The following INSR variants were observed in gnomAD, a reference collection of about 807,000 sequenced individuals.
INSR encodes the protein insulin receptor.
INSR carries 67 observed loss-of-function variants against 142.6 expected under a neutral mutation model. The ratio of observed to expected loss-of-function variants is 0.47; its 90% CI spans 0.39 to 0.58. The LOEUF is 0.58. Ranked by LOEUF, INSR falls within the 20% of genes least tolerant of loss-of-function variation. The pLI is 0.00. For missense variants in INSR, 1,248 were observed against 1,833.2 expected (o/e 0.68, Z 5.83); for synonymous variants, 756 against 743.1 (o/e 1.02, Z -0.28).
intron 11 of INSR, among the ~76,000 whole-genome samples, chr19:7,149,387 A>G (rs1353506621): frequency 1.3e-5 from 2 of 152,248 alleles, no homozygotes; most frequent in Non-Finnish European, 2.9e-5. Context: ...AAGTGGTCCC[A>G]ACTTGCCTCT....
intron 2 of INSR, among the ~76,000 whole-genome samples, chr19:7,235,971 CTTTTTTTT>C (rs34478636): frequency 1.5e-5 from 2 of 129,878 alleles, no homozygotes; most frequent in East Asian, 4.4e-4. Context: ...CTGGCCTTTC[CTTTTTTTT>C]TTTTTTTTTT....
intron 2 of INSR, among the ~76,000 whole-genome samples, chr19:7,240,812 T>C (rs943014075): frequency 6.6e-6 from 1 of 152,176 alleles, no homozygotes; most frequent in South Asian, 2.1e-4. Flanking sequence ...AAATATTGTA[T>C]ACAATTACCT....
intron 2 of INSR, among the ~76,000 whole-genome samples, chr19:7,194,322 C>G (rs1377039627): frequency 2.0e-5 from 3 of 151,568 alleles, no homozygotes; most frequent in Non-Finnish European, 4.4e-5. Context: ...GAGGCTGAGG[C>G]AGGAGAATTG....
intron 2 of INSR, among the ~76,000 whole-genome samples, chr19:7,186,727 T>C (rs2162940): frequency 0.15 from 22,320 of 151,960 alleles, 2,323 homozygotes; most frequent in African/African-American, 0.29. Context: ...TTTTTTGAGA[T>C]GGAGTCTTGC....
rs1974627833 is a variant in INSR, at chr19:7,192,411, T to C, written c.653-7774A>G. On this transcript the variant is annotated intron_variant, in intron 2 of 21. Coordinates refer to ENST00000302850, the MANE Select transcript of INSR (RefSeq NM_000208.4). The surrounding 1 kb of genome is among the most constrained non-coding windows in gnomAD (Gnocchi z 4.2). ...TGAGAGAGACCGCAAAGTGAAGACATTATGAAAGCCACGTGTCATGCAAGA... is the reference window on the plus strand; with the variant it reads ...TGAGAGAGACCGCAAAGTGAAGACACTATGAAAGCCACGTGTCATGCAAGA... Among the ~76,000 whole-genome samples the C allele has an allele frequency of 6.6e-6, 1 of 151,668 alleles. No homozygotes were observed. Among genetic ancestry groups the C allele is most frequent in the Admixed American group, 6.6e-5 (1 of 15,200 alleles).
chr19:7,241,178 T>A (rs1389894056), intron 2 of INSR, among the ~76,000 whole-genome samples: 5 of 9,680 alleles, frequency 5.2e-4, no homozygotes, highest in African/African-American at 2.2e-3. Flanking sequence ...TTTTATTTTG[T>A]TTTTTTTTTT....
At chr19:7,273,487 T>C (rs1052624731) in intron 1 of INSR, among the ~76,000 whole-genome samples, 1 of 151,924 alleles carries the variant, frequency 6.6e-6, no homozygotes, top group Non-Finnish European at 1.5e-5. Flanking sequence ...AAGAGGGTGC[T>C]AAGTGACAGC....
chr19:7,114,801 A>C lies in INSR; in HGVS notation c.*2255T>G, dbSNP rs547131375. The C allele has an allele frequency of 6.7e-4, 102 of 152,624 alleles. No homozygotes were observed. The highest frequency in any genetic ancestry group is 1.2e-3 in the Non-Finnish European group (83 of 68,036). 9.5% of individuals were successfully genotyped at this position (152,624 alleles called of 1,614,324 possible). A position where few individuals can be genotyped will look rare whatever the true frequency, so the allele number is the denominator to read the frequency against. ...TATTAAAATAAATACTTTTTCCCCT[A>C]ATATAAGAAAAACCTTTCTGAATTA... On this transcript the variant is annotated 3_prime_UTR_variant, in exon 22 of 22. Coordinates refer to ENST00000302850, the MANE Select transcript of INSR (RefSeq NM_000208.4).
At chr19:7,220,196 G>C (rs1975570613) in intron 2 of INSR, among the ~76,000 whole-genome samples, 1 of 152,202 alleles carries the variant, frequency 6.6e-6, no homozygotes, top group Non-Finnish European at 1.5e-5. Flanking sequence ...CTCCAGGAAT[G>C]CTGAGTAGGC....
chr19:7,132,069 G>A (rs546068630), intron 14 of INSR, 89 bp downstream of exon 14: 2 of 1,526,686 alleles, frequency 1.3e-6, no homozygotes, highest in East Asian at 2.3e-5. Flanking sequence ...GCCAGCACCT[G>A]CGGCCTCTCC....
chr19:7,163,356 C>G (rs573267916), intron 8 of INSR, among the ~76,000 whole-genome samples, 157 bp from the exon 9 acceptor site: 3 of 151,968 alleles, frequency 2.0e-5, no homozygotes, highest in Non-Finnish European at 4.4e-5. Flanking sequence ...GTCAGGAGAT[C>G]GAGACCATCC....
chr19:7,174,570 C>T lies in INSR; in HGVS notation c.1123+13G>A. 1 of 1,613,918 alleles carries T rather than the reference C, an allele frequency of 6.2e-7. No homozygotes were observed. Among genetic ancestry groups the T allele is most frequent in the Non-Finnish European group, 8.5e-7 (1 of 1,179,902 alleles). ...CCAACAGGCACCCCCGACGCCCACACAGAGACACTCACTGCCTCCTCGAAT... is the reference window on the plus strand; with the variant it reads ...CCAACAGGCACCCCCGACGCCCACATAGAGACACTCACTGCCTCCTCGAAT... On this transcript the variant is annotated intron_variant, in intron 4 of 21. Coordinates refer to ENST00000302850, the MANE Select transcript of INSR (RefSeq NM_000208.4).
intron 2 of INSR, among the ~76,000 whole-genome samples, chr19:7,253,261 G>A (rs180787389): frequency 1.1e-4 from 16 of 151,326 alleles, no homozygotes; most frequent in East Asian, 7.8e-4. Flanking sequence ...TATTTGATAC[G>A]AGGTTTTGCT....
At chr19:7,120,791 T>C in intron 19 of INSR, 42 bp from the exon 20 acceptor site, 1 of 1,608,388 alleles carries the variant, frequency 6.2e-7, no homozygotes, top group South Asian at 1.1e-5. Context: ...CCTTCAGCCT[T>C]GGTCCTAGCA....
intron 2 of INSR, among the ~76,000 whole-genome samples, chr19:7,257,476 G>A (rs946212487): frequency 6.6e-6 from 1 of 150,714 alleles, no homozygotes; most frequent in Non-Finnish European, 1.5e-5. Context: ...GGGTGGAGTG[G>A]GGGCCTTGCC....
rs1408634301 is a variant in INSR at position 7,114,176 on chromosome 19, T to G, written c.*2880A>C. The stretch of plus-strand genomic sequence containing the variant: ...TTGCATTAGGTGTTTGTGTGTAAGG[T>G]GCATCACCAGCCTGAAAGGAGTGGG... On this transcript the variant is annotated 3_prime_UTR_variant, in exon 22 of 22. Transcript: ENST00000302850. 2.0e-5 allele frequency: 3 copies of G among 151,348 alleles called. No homozygotes were observed. Among genetic ancestry groups the G allele is most frequent in the Non-Finnish European group, 4.4e-5 (3 of 67,992 alleles). 9.4% of individuals were successfully genotyped at this position (151,348 alleles called of 1,614,324 possible). A position where few individuals can be genotyped will look rare whatever the true frequency, so the allele number is the denominator to read the frequency against.
intron 2 of INSR, among the ~76,000 whole-genome samples, chr19:7,199,422 G>A (rs771550507): frequency 2.0e-5 from 3 of 151,756 alleles, no homozygotes; most frequent in Non-Finnish European, 4.4e-5. Flanking sequence ...GTTTGAAACA[G>A]GGTCTTACTC....
At chr19:7,136,015 G>C (rs1014067334) in intron 13 of INSR, among the ~76,000 whole-genome samples, 1 of 151,390 alleles carries the variant, frequency 6.6e-6, no homozygotes, top group East Asian at 1.9e-4. Context: ...CTTTCCTAAA[G>C]CAGCTGTGCC....
chr19:7,287,034 G>A (rs1968361431), intron 1 of INSR, among the ~76,000 whole-genome samples: 1 of 151,802 alleles, frequency 6.6e-6, no homozygotes, highest in African/African-American at 2.4e-5. Context: ...ATTGTTAGTG[G>A]AGACAGGGTC....
Sources: allele counts gnomAD v4.1 joint callset (sites outside exome capture counted in the v4.1 genomes callset), GRCh38; gene constraint gnomAD v4.1.1; non-coding constraint Gnocchi (gnomAD v3.1); transcripts MANE v1.5; gene names NCBI Gene and HGNC (gene_info 2026-07-23, HGNC 2026-07-21).